The following ZNF140 variants were observed in gnomAD, a reference collection of about 807,000 sequenced individuals.
ZNF140 encodes zinc finger protein 140 (clone pHZ-39).
ZNF140 carries 13 observed loss-of-function variants against 12.9 expected under a neutral mutation model. The ratio of observed to expected loss-of-function variants is 1.01; its 90% CI spans 0.66 to 1.60. ZNF140 has a LOEUF of 1.60. Ranked by LOEUF, ZNF140 falls within the 40% of genes most tolerant of loss-of-function variation. The pLI is 0.00. For missense variants in ZNF140, 531 were observed against 548.8 expected (o/e 0.97, Z 0.32); for synonymous variants, 214 against 186.7 (o/e 1.15, Z -1.19).
intron 4 of ZNF140, among the ~76,000 whole-genome samples, chr12:133,085,460 T>A (rs902326854): frequency 4.6e-5 from 7 of 152,334 alleles, no homozygotes; most frequent in African/African-American, 1.7e-4. Flanking sequence ...CTTAATAAAT[T>A]ATTATAAGGC....
intron 2 of ZNF140, 43 bp downstream of exon 2, chr12:133,081,372 A>ATATATATAC: frequency 9.3e-6 from 1 of 107,448 alleles, no homozygotes; most frequent in South Asian, 1.9e-4. Context: ...TATATATATA[A>ATATATATAC]ATTTTTATTT....
chr12:133,095,209 T>C lies in ZNF140; in HGVS notation c.233-10301T>C, dbSNP rs76194916. On this transcript the variant is annotated intron_variant, in intron 4 of 4. Transcript: ENST00000355557. ...CTGTTCTGGAAACCATGGGCAGAAT[T>C]GTTCTATTGTTTGAAATAGCGTAAT... Among the ~76,000 whole-genome samples, 3 of 151,158 alleles carry C rather than the reference T, an allele frequency of 2.0e-5. 1 individual carries two copies. The highest frequency in any genetic ancestry group is 2.9e-5 in the Non-Finnish European group (2 of 67,866).
At chr12:133,094,488 G>A (rs1244360768) in intron 4 of ZNF140, among the ~76,000 whole-genome samples, 1 of 151,148 alleles carries the variant, frequency 6.6e-6, no homozygotes. Flanking sequence ...TGCATTAATG[G>A]CTCTCAAATC....
chr12:133,095,704 A>G (rs975755723), intron 4 of ZNF140, among the ~76,000 whole-genome samples: 19 of 151,794 alleles, frequency 1.3e-4, no homozygotes, highest in Non-Finnish European at 2.6e-4. Flanking sequence ...GCAGGGTGAT[A>G]ATAAGGAGAA....
At chr12:133,090,306 A>T (rs1422526709) in intron 4 of ZNF140, among the ~76,000 whole-genome samples, 1 of 151,738 alleles carries the variant, frequency 6.6e-6, no homozygotes, top group Non-Finnish European at 1.5e-5. Flanking sequence ...TCCTGACTAA[A>T]TATTTTATTT....
intron 4 of ZNF140, among the ~76,000 whole-genome samples, chr12:133,090,398 C>T (rs1323194212): frequency 6.6e-6 from 1 of 152,238 alleles, no homozygotes; most frequent in Non-Finnish European, 1.5e-5. Flanking sequence ...CCACCTTGGC[C>T]TCCCAAAGTG....
At chr12:133,083,289 A>T in intron 3 of ZNF140, 60 bp downstream of exon 3, 1 of 1,569,458 alleles carries the variant, frequency 6.4e-7, no homozygotes, top group Non-Finnish European at 8.7e-7. Context: ...GGCTGTTATA[A>T]TTATCTGGCT....
intron 4 of ZNF140, chr12:133,100,907 C>T: frequency 2.3e-6 from 1 of 429,962 alleles, no homozygotes; most frequent in Non-Finnish European, 4.7e-6. Context: ...CGAGACGTCA[C>T]ACTACTCAGA....
intron 4 of ZNF140, 53 bp downstream of exon 4, chr12:133,083,614 A>G (rs956957516): frequency 8.2e-5 from 124 of 1,509,036 alleles, no homozygotes; most frequent in Non-Finnish European, 1.1e-4. Flanking sequence ...TCAATTAGTC[A>G]ATGAAAAAGG....
At chr12:133,096,024 A>G (rs679145) in intron 4 of ZNF140, among the ~76,000 whole-genome samples, 125,230 of 146,882 alleles carry the variant, frequency 0.85, 53,747 homozygotes, top group Non-Finnish European at 0.89. Context: ...TCTTTTACCA[A>G]TCCACCTCAG....
chr12:133,103,537 A>C (rs770287894), intron 4 of ZNF140, among the ~76,000 whole-genome samples: 1 of 151,934 alleles, frequency 6.6e-6, no homozygotes, highest in Non-Finnish European at 1.5e-5. Flanking sequence ...CAGCCTCCCA[A>C]AGTTGGATTA....
chr12:133,095,147 T>C (rs2137535520), intron 4 of ZNF140, among the ~76,000 whole-genome samples: 1 of 151,394 alleles, frequency 6.6e-6, no homozygotes, highest in East Asian at 1.9e-4. Flanking sequence ...TTTAATTCTT[T>C]GCCAATTTTT....
At chr12:133,088,525 G>C (rs1344543568) in intron 4 of ZNF140, among the ~76,000 whole-genome samples, 1 of 152,132 alleles carries the variant, frequency 6.6e-6, no homozygotes, top group Non-Finnish European at 1.5e-5. Flanking sequence ...GGACATTGTG[G>C]TTGCTTCCAA....
chr12:133,091,972 G>A (rs1165938726), intron 4 of ZNF140, among the ~76,000 whole-genome samples: 2 of 151,022 alleles, frequency 1.3e-5, no homozygotes, highest in East Asian at 3.9e-4. Context: ...GATATTCCAG[G>A]CTCATGAGCC....
At chr12:133,100,986 G>A (rs1157724001) in intron 4 of ZNF140, 1 of 454,814 alleles carries the variant, frequency 2.2e-6, no homozygotes, top group Admixed American at 2.4e-5. Context: ...ATTGAACAAA[G>A]GTAACTGAAG....
intron 4 of ZNF140, among the ~76,000 whole-genome samples, chr12:133,105,071 T>TC (rs1955538670): frequency 6.6e-6 from 1 of 152,218 alleles, no homozygotes; most frequent in African/African-American, 2.4e-5. Context: ...GCTTTTTTTT[T>TC]CATTTAGATT....
rs1593810240 is a variant in ZNF140, at chr12:133,105,567, A to T, written c.290A>T (p.Asp97Val). The change falls in exon 5 of 5, where the codon GAC becomes GTC. Residue 97 changes from aspartate (D) to valine (V), a missense_variant. By Grantham distance (152) the Asp-to-Val change is radical (BLOSUM62 -3). Transcript: ENST00000355557. ...DFSPKNVIYD[D>V]SSQYLIMERI... ...TCACCAAAAAATGTCATTTATGATG[A>T]CTCATCCCAGTATTTGATCATGGAA... 6.2e-7 allele frequency: 1 copy of T among 1,613,752 alleles called. No individual in the cohort carries two copies. Among genetic ancestry groups the T allele is most frequent in the East Asian group, 2.2e-5 (1 of 44,882 alleles).
chr12:133,095,948 C>T (rs1283732659), intron 4 of ZNF140, among the ~76,000 whole-genome samples: 3 of 151,550 alleles, frequency 2.0e-5, no homozygotes, highest in Non-Finnish European at 4.4e-5. Flanking sequence ...TATACCGAGA[C>T]ATTCAGTTCC....
At chr12:133,094,919 G>A (rs1001115051) in intron 4 of ZNF140, among the ~76,000 whole-genome samples, 6 of 151,398 alleles carry the variant, frequency 4.0e-5, no homozygotes, top group African/African-American at 7.3e-5. Flanking sequence ...TGCGTTGACC[G>A]AGCCATTACT....
Sources: allele counts gnomAD v4.1 joint callset (sites outside exome capture counted in the v4.1 genomes callset), GRCh38; gene constraint gnomAD v4.1.1; transcripts MANE v1.5; gene names NCBI Gene and HGNC (gene_info 2026-07-23, HGNC 2026-07-21).